NTM: variants seen among roughly 807,000 people sequenced by gnomAD.
NTM encodes the protein IgLON family member 2.
NTM carries 13 observed loss-of-function variants against 42.1 expected under a neutral mutation model. The observed-to-expected ratio is 0.31, with a 90% CI of 0.20 to 0.49. The LOEUF is 0.49. Among genes scored for constraint, NTM ranks in the 20% least tolerant of loss-of-function variants. The probability of loss-of-function intolerance (pLI) is 0.99; values close to 1 mark genes in which losing one functional copy is unlikely to be tolerated. For synonymous variants in NTM, 187 were observed against 179.2 expected, an observed-to-expected ratio of 1.04 and a Z score of -0.35; for missense variants, 373 against 452.8, an observed-to-expected ratio of 0.82 and a Z score of 1.60.
intron 1 of NTM, among the ~76,000 whole-genome samples, chr11:131,746,448 C>T (rs892834477): frequency 6.6e-6 from 1 of 152,188 alleles, no homozygotes; most frequent in African/African-American, 2.4e-5. Context: ...GAGAGGAAAG[C>T]AGGAAGCGGC....
At chr11:132,223,405 G>A (rs2085547102) in intron 4 of NTM, among the ~76,000 whole-genome samples, 1 of 152,312 alleles carries the variant, frequency 6.6e-6, no homozygotes, top group Non-Finnish European at 1.5e-5. Context: ...TCATTAAGAA[G>A]ATACCTCATA....
chr11:131,797,339 G>A (rs941473902), intron 1 of NTM, among the ~76,000 whole-genome samples: 13 of 152,204 alleles, frequency 8.5e-5, no homozygotes, highest in Non-Finnish European at 7.3e-5. Flanking sequence ...TCTGTAAGGG[G>A]GGGCAGGATG....
intron 2 of NTM, among the ~76,000 whole-genome samples, chr11:131,951,696 C>T (rs536336421): frequency 6.6e-6 from 1 of 151,926 alleles, no homozygotes; most frequent in South Asian, 2.1e-4. Flanking sequence ...GTGGTGTGTG[C>T]CTGTATTCCC....
chr11:131,505,529 T>C (rs2047378112), intron 1 of NTM, among the ~76,000 whole-genome samples: 1 of 152,186 alleles, frequency 6.6e-6, no homozygotes, highest in African/African-American at 2.4e-5. Context: ...ATTTACCCCC[T>C]TTTCACAGGT....
At chr11:131,548,127 T>A (rs1315386564) in intron 1 of NTM, among the ~76,000 whole-genome samples, 2 of 152,210 alleles carry the variant, frequency 1.3e-5, no homozygotes, top group African/African-American at 4.8e-5. Flanking sequence ...TCTGGGAATT[T>A]TAGTCACTGT....
At position 131,785,443 on chromosome 11, in the gene NTM, T is replaced by C. The variant is rs375871124; in HGVS notation, c.83-126121T>C. Reference sequence around the variant, plus strand: ...TCTAAATGTCCGAGAAAGCTAATTCTACAATTGGACCCTTGGCAGCTAAGG... The same window carrying C: ...TCTAAATGTCCGAGAAAGCTAATTCCACAATTGGACCCTTGGCAGCTAAGG... On this transcript the variant is annotated intron_variant, in intron 1 of 8. Coordinates refer to ENST00000683400, the MANE Select transcript of NTM (RefSeq NM_001352005.2). Among the ~76,000 whole-genome samples the C allele has an allele frequency of 6.6e-5, 10 of 152,356 alleles. 1 individual carries two copies. In the East Asian group the frequency reaches 7.7e-4, roughly 12 times the overall value.
intron 1 of NTM, among the ~76,000 whole-genome samples, chr11:131,589,170 T>TGTGTGTGTGTGTGTGTGTGA (rs768251592): frequency 7.8e-6 from 1 of 127,634 alleles, no homozygotes; most frequent in African/African-American, 3.0e-5. Flanking sequence ...TGGAAAAATG[T>TGTGTGTGTGTGTGTGTGTGA]GTGTGTGTGT....
chr11:131,482,640 G>GTCCACTCTGTTTATCCTT (rs1319785592), intron 1 of NTM, among the ~76,000 whole-genome samples: 1 of 152,100 alleles, frequency 6.6e-6, no homozygotes, highest in Non-Finnish European at 1.5e-5. Context: ...TGCTATTTTT[G>GTCCACTCTGTTTATCCTT]TCCACTCTGT....
chr11:131,540,072 G>T (rs1324404995), intron 1 of NTM, among the ~76,000 whole-genome samples: 2 of 151,042 alleles, frequency 1.3e-5, no homozygotes, highest in Non-Finnish European at 2.9e-5. Flanking sequence ...CCCTTAAAAA[G>T]CTCTGGCTGA....
chr11:131,728,342 T>C (rs1247666917), intron 1 of NTM, among the ~76,000 whole-genome samples: 1 of 152,364 alleles, frequency 6.6e-6, no homozygotes, highest in East Asian at 1.9e-4. Flanking sequence ...TTGATTGTTT[T>C]GCTACTATGG....
At chr11:131,499,977 C>G (rs1052263266) in intron 1 of NTM, among the ~76,000 whole-genome samples, 3 of 152,212 alleles carry the variant, frequency 2.0e-5, no homozygotes, top group Non-Finnish European at 4.4e-5. Context: ...CGGCACAAAC[C>G]AAGGGACAGG....
chr11:131,496,370 A>C (rs143117829), intron 1 of NTM, among the ~76,000 whole-genome samples: 8 of 152,340 alleles, frequency 5.3e-5, no homozygotes, highest in Non-Finnish European at 1.0e-4. Context: ...GCACTTCTGC[A>C]AACCCTACCT....
chr11:131,500,571 ATATATATTTTTTTT>A (rs1160417436), intron 1 of NTM, among the ~76,000 whole-genome samples: 5,753 of 85,286 alleles, frequency 0.067, 347 homozygotes, highest in African/African-American at 0.18. Context: ...ATATATATAT[ATATATATTTTTTTT>A]TTTTTTTTTT....
intron 1 of NTM, among the ~76,000 whole-genome samples, chr11:131,509,148 C>T (rs958741774): frequency 1.3e-5 from 2 of 152,212 alleles, no homozygotes; most frequent in Non-Finnish European, 1.5e-5. Flanking sequence ...GTCAAATCTT[C>T]CAGGAGGATG....
At chr11:131,424,315 G>T (rs1197530648) in intron 1 of NTM, among the ~76,000 whole-genome samples, 2 of 152,130 alleles carry the variant, frequency 1.3e-5, no homozygotes, top group African/African-American at 4.8e-5. Flanking sequence ...CAGGAGCTCA[G>T]TGCCACTCAC....
intron 1 of NTM, chr11:131,660,837 T>C (rs2067939539): frequency 8.2e-7 from 1 of 1,219,122 alleles, no homozygotes; most frequent in African/African-American, 1.6e-5. Flanking sequence ...TATTCACTCA[T>C]TGTTACAGTT....
At chr11:131,638,876 G>A (rs2064776457) in intron 1 of NTM, among the ~76,000 whole-genome samples, 1 of 151,340 alleles carries the variant, frequency 6.6e-6, no homozygotes, top group African/African-American at 2.4e-5. Flanking sequence ...AAAAAAAAAA[G>A]TTTAAATTTA....
intron 1 of NTM, among the ~76,000 whole-genome samples, chr11:131,531,433 C>T (rs976641798): frequency 6.6e-6 from 1 of 152,194 alleles, no homozygotes; most frequent in Non-Finnish European, 1.5e-5. Flanking sequence ...CAGGCATGAA[C>T]TGCTGTGCTC....
At chr11:132,126,173 A>G (rs2065806521) in intron 2 of NTM, among the ~76,000 whole-genome samples, 1 of 152,130 alleles carries the variant, frequency 6.6e-6, no homozygotes, top group Non-Finnish European at 1.5e-5. Flanking sequence ...TAGTCCATCA[A>G]TTCTTTGCAG....
Sources: allele counts gnomAD v4.1 joint callset (sites outside exome capture counted in the v4.1 genomes callset), GRCh38; gene constraint gnomAD v4.1.1; transcripts MANE v1.5; gene names NCBI Gene and HGNC (gene_info 2026-07-23, HGNC 2026-07-21).